Variants in KIRREL3 observed in about 807,000 individuals in gnomAD.
The protein encoded by KIRREL3 is kirre like nephrin family adhesion molecule 3.
A neutral mutation model predicts 89.7 loss-of-function variants in KIRREL3; 36 were observed. That is an observed-to-expected ratio of 0.40 (90% CI 0.31 to 0.53). The LOEUF (loss-of-function observed/expected upper bound fraction) is 0.53. KIRREL3 is among the 20% of genes least tolerant of loss of function. The pLI is 0.49. For missense variants in KIRREL3, 864 were observed against 1,056.6 expected, an observed-to-expected ratio of 0.82 and a Z score of 2.53; for synonymous variants, 445 against 441.4, an observed-to-expected ratio of 1.01 and a Z score of -0.10.
rs184099401 is a variant in KIRREL3 at position 126,811,834 on chromosome 11, G to T, written c.55+188621C>A. Among the ~76,000 whole-genome samples, 1 of 152,098 alleles carries T rather than the reference G, an allele frequency of 6.6e-6. No homozygotes were observed. Among genetic ancestry groups the T allele is most frequent in the African/African-American group, 2.4e-5 (1 of 41,406 alleles). On this transcript the variant is annotated intron_variant, in intron 1 of 16. Transcript: ENST00000525144. This position sits in a 1 kb window ranked among gnomAD's most constrained non-coding sequence, Gnocchi z 4.3. ...ACTCCTGAACTCGGGTGATCCACCCGCCTTGGCCTCATAAAGTGCTGGGAT... is the reference window on the plus strand; with the variant it reads ...ACTCCTGAACTCGGGTGATCCACCCTCCTTGGCCTCATAAAGTGCTGGGAT...
rs1591821241 is a variant in KIRREL3 at position 126,615,878 on chromosome 11, C to T, written c.56-52966G>A. Among the ~76,000 whole-genome samples, 1 of 152,162 alleles carries T rather than the reference C, an allele frequency of 6.6e-6. No individual in the cohort carries two copies. Among genetic ancestry groups the T allele is most frequent in the East Asian group, 1.9e-4 (1 of 5,190 alleles). On this transcript the variant is annotated intron_variant, in intron 1 of 16. Transcript: ENST00000525144. This position sits in a 1 kb window ranked among gnomAD's most constrained non-coding sequence, Gnocchi z 5.4. ...CCTCTGCCACTTGCCTGCATTAAGC[C>T]TTTTGGTCATATGTCTGGGGAGCAG...
intron 4 of KIRREL3, among the ~76,000 whole-genome samples, chr11:126,493,619 C>T (rs1384580374): frequency 1.4e-5 from 2 of 146,436 alleles, no homozygotes; most frequent in Non-Finnish European, 3.0e-5. Flanking sequence ...CGCGCCACCG[C>T]ACTCCAGCCT....
At chr11:126,493,511 C>T (rs1166734455) in intron 4 of KIRREL3, among the ~76,000 whole-genome samples, 1 of 151,988 alleles carries the variant, frequency 6.6e-6, no homozygotes, top group Non-Finnish European at 1.5e-5. Flanking sequence ...AAAAACTAGC[C>T]GGGTGTGGTG....
At position 126,817,910 on chromosome 11, in the gene KIRREL3, T is replaced by C. The variant is rs186429643; in HGVS notation, c.55+182545A>G. Reference sequence around the variant, plus strand: ...AGCTCTAGATCTTGGCACCCCGTCCTCTTGGCTCTGGCTGAGCCACTCAGC... The same window carrying C: ...AGCTCTAGATCTTGGCACCCCGTCCCCTTGGCTCTGGCTGAGCCACTCAGC... On this transcript the variant is annotated intron_variant, in intron 1 of 16. Coordinates refer to ENST00000525144, the MANE Select transcript of KIRREL3 (RefSeq NM_032531.4). The surrounding 1 kb of genome is among the most constrained non-coding windows in gnomAD (Gnocchi z 5.7). 1.9e-3 allele frequency among the ~76,000 whole-genome samples: 283 copies of C among 152,352 alleles called. No homozygotes were observed. The highest frequency in any genetic ancestry group is 3.2e-3 in the Non-Finnish European group (218 of 68,038).
In KIRREL3 at chr11:126,678,934, G is replaced by A. The variant is rs535623088; in HGVS notation, c.56-116022C>T. ...ACAATGATGTAGCTACTCAAAAGCCGCTCCCAACTTCCTGCTCCCCTGCCC... is the reference window on the plus strand; with the variant it reads ...ACAATGATGTAGCTACTCAAAAGCCACTCCCAACTTCCTGCTCCCCTGCCC... On this transcript the variant is annotated intron_variant, in intron 1 of 16. Coordinates refer to ENST00000525144, the MANE Select transcript of KIRREL3 (RefSeq NM_032531.4). Among the ~76,000 whole-genome samples the A allele has an allele frequency of 8.5e-5, 13 of 152,332 alleles. No individual in the cohort carries two copies. The South Asian group carries it at 1.0e-3, about 12-fold the overall frequency.
At chr11:126,901,729 C>T (rs1189271766) in intron 1 of KIRREL3, among the ~76,000 whole-genome samples, 1 of 152,166 alleles carries the variant, frequency 6.6e-6, no homozygotes, top group Non-Finnish European at 1.5e-5. Flanking sequence ...CCATTCATCT[C>T]CCCTACATGA....
chr11:126,950,971 C>T (rs972143522), intron 1 of KIRREL3, among the ~76,000 whole-genome samples: 1 of 152,190 alleles, frequency 6.6e-6, no homozygotes, highest in Non-Finnish European at 1.5e-5. Flanking sequence ...GGACAAAGAT[C>T]AAAGACATGT....
chr11:126,434,942 C>T (rs1955261732), intron 13 of KIRREL3, among the ~76,000 whole-genome samples: 1 of 152,074 alleles, frequency 6.6e-6, no homozygotes, highest in Non-Finnish European at 1.5e-5. Flanking sequence ...CAGGGGCCAG[C>T]TGACCCCAGA....
Position 126,837,677 on chromosome 11 carries a change from A to G in KIRREL3, c.55+162778T>C, listed in dbSNP as rs1943827442. ...CTGAAGCATAGGTAGGCTAACTAAA[A>G]GTAATTTTACAAAAGATGTCAGTGG... On this transcript the variant is annotated intron_variant, in intron 1 of 16. Coordinates refer to ENST00000525144, the MANE Select transcript of KIRREL3 (RefSeq NM_032531.4). The surrounding 1 kb of genome is among the most constrained non-coding windows in gnomAD (Gnocchi z 4.7). Among the ~76,000 whole-genome samples the G allele has an allele frequency of 6.6e-6, 1 of 152,232 alleles. No individual in the cohort carries two copies.
rs915885096 is a variant in KIRREL3 at position 126,562,011 on chromosome 11, A to G, written c.133+824T>C. 6.6e-6 allele frequency among the ~76,000 whole-genome samples: 1 copy of G among 152,214 alleles called. No homozygotes were observed. Among genetic ancestry groups the G allele is most frequent in the Non-Finnish European group, 1.5e-5 (1 of 68,032 alleles). ...CCCTGGAAGGGGAGGGGTCCAGCCC[A>G]TGGCAAGCATGGCTGGTGGGAGCCA... On this transcript the variant is annotated intron_variant, in intron 2 of 16. Coordinates refer to ENST00000525144, the MANE Select transcript of KIRREL3 (RefSeq NM_032531.4). This position sits in a 1 kb window ranked among gnomAD's most constrained non-coding sequence, Gnocchi z 4.7.
chr11:126,861,588 AT>A (rs1944707015), intron 1 of KIRREL3, among the ~76,000 whole-genome samples: 1 of 152,326 alleles, frequency 6.6e-6, no homozygotes, highest in Non-Finnish European at 1.5e-5. Context: ...AATGACCAAT[AT>A]AAAAAATTCA....
intron 1 of KIRREL3, among the ~76,000 whole-genome samples, chr11:126,634,552 G>A (rs1045117680): frequency 2.0e-5 from 3 of 152,182 alleles, no homozygotes; most frequent in African/African-American, 7.2e-5. Flanking sequence ...ACTTGGGCTG[G>A]AGAGGCTTGC....
rs560531052 is a variant in KIRREL3, at chr11:126,852,146, C to T, written c.55+148309G>A. Among the ~76,000 whole-genome samples, 14 of 150,148 alleles carry T rather than the reference C, an allele frequency of 9.3e-5. No individual in the cohort carries two copies. The South Asian group carries it at 1.5e-3, about 16-fold the overall frequency. ...TCGGCTCACTGCAACCTCTGCCTCC[C>T]GGGTTCAAGCGATTCTCCTGCCTCA... On this transcript the variant is annotated intron_variant, in intron 1 of 16. Coordinates refer to ENST00000525144, the MANE Select transcript of KIRREL3 (RefSeq NM_032531.4).
In KIRREL3 at chr11:126,844,598, C is replaced by T. The variant is rs553719172; in HGVS notation, c.55+155857G>A. Among the ~76,000 whole-genome samples the T allele has an allele frequency of 9.7e-4, 148 of 152,144 alleles. 3 individuals carry two copies. Among genetic ancestry groups the T allele is most frequent in the African/African-American group, 3.1e-3 (128 of 41,522 alleles). ...TCCATAAAAGGCAAGGACACTTGAC[C>T]GAACTTGAGTTTGAGGCCCAACTTA... On this transcript the variant is annotated intron_variant, in intron 1 of 16. Transcript: ENST00000525144. The surrounding 1 kb of genome is among the most constrained non-coding windows in gnomAD (Gnocchi z 4.8).
Position 126,903,766 on chromosome 11 carries a change from A to T in KIRREL3, c.55+96689T>A, listed in dbSNP as rs1946465352. Among the ~76,000 whole-genome samples, 1 of 152,230 alleles carries T rather than the reference A, an allele frequency of 6.6e-6. No individual in the cohort carries two copies. Among genetic ancestry groups the T allele is most frequent in the Non-Finnish European group, 1.5e-5 (1 of 68,036 alleles). On this transcript the variant is annotated intron_variant, in intron 1 of 16. Coordinates refer to ENST00000525144, the MANE Select transcript of KIRREL3 (RefSeq NM_032531.4). This position sits in a 1 kb window ranked among gnomAD's most constrained non-coding sequence, Gnocchi z 4.5. ...TGTAATCACCTTAATAGGTCAACAT[A>T]ACAATGGATGTTGCTGGTGGAAAAA...
intron 1 of KIRREL3, among the ~76,000 whole-genome samples, chr11:126,617,930 C>A (rs926116687): frequency 6.6e-6 from 1 of 152,220 alleles, no homozygotes; most frequent in Admixed American, 6.5e-5. Flanking sequence ...TGGTTTGGAT[C>A]TGTGTCCCCA....
In KIRREL3 at chr11:126,424,716, C is replaced by T. The variant is rs781009108; in HGVS notation, c.2201G>A (p.Ser734Asn). ...DTQCDSSVSS[S>N]GKQDGYVQFD... ...CTGCACATAGCCATCCTGCTTGCCG[C>T]TGCTGCTGACGCTGCTGTCACACTG... Residue 734 changes from serine (S) to asparagine (N), a missense_variant, in exon 17 of 17, where the codon AGC (serine) becomes AAC (asparagine). Transcript: ENST00000525144. 6.2e-7 allele frequency: 1 copy of T among 1,613,982 alleles called. No individual in the cohort carries two copies. Among genetic ancestry groups the T allele is most frequent in the South Asian group, 1.1e-5 (1 of 91,090 alleles).
chr11:126,702,538 C>G (rs888352567), intron 1 of KIRREL3, among the ~76,000 whole-genome samples: 9 of 152,242 alleles, frequency 5.9e-5, no homozygotes, highest in Admixed American at 6.5e-5. Context: ...TTGGCTTCCA[C>G]CAGCTTCCTC....
chr11:126,819,995 A>G (rs1340238523), intron 1 of KIRREL3, among the ~76,000 whole-genome samples: 2 of 152,222 alleles, frequency 1.3e-5, no homozygotes, highest in Non-Finnish European at 2.9e-5. Context: ...TAAGATAGTC[A>G]TCTGAAATTT....
Sources: gnomAD v4.1 joint callset for allele counts (sites outside exome capture counted in the v4.1 genomes callset) on GRCh38, gnomAD v4.1.1 for gene constraint, Gnocchi (gnomAD v3.1) non-coding constraint, MANE v1.5 for transcripts, NCBI Gene and HGNC (gene_info 2026-07-23, HGNC 2026-07-21) for gene names.